Variants in SPAST observed in about 807,000 individuals in gnomAD.
The protein encoded by SPAST is spastin.
In SPAST, 30 loss-of-function variants were observed where a neutral mutation model predicts 76.6. That is an observed-to-expected ratio of 0.39 (90% confidence interval 0.29 to 0.53). SPAST has a LOEUF of 0.53. SPAST is among the 20% of genes least tolerant of loss of function. The pLI is 0.68. For synonymous variants in SPAST, 305 were observed against 281.0 expected (o/e 1.09, Z -0.86); for missense variants, 717 against 770.5 (o/e 0.93, Z 0.82).
At chr2:32,152,031 T>C in intron 16 of SPAST, among the ~76,000 whole-genome samples, 1 of 152,308 alleles carries the variant, frequency 6.6e-6, no homozygotes, top group Middle Eastern at 3.4e-3. Flanking sequence ...TGGTTATAAA[T>C]TGGGGTACAA....
rs71407413 is a variant in SPAST at position 32,108,758 on chromosome 2, C to CTTTTTTT, written c.683-5861_683-5855dup. Among the ~76,000 whole-genome samples the CTTTTTTT allele has an allele frequency of 1.1e-3, 78 of 73,908 alleles. 1 individual carries two copies. Among genetic ancestry groups the CTTTTTTT allele is most frequent in the East Asian group, 1.6e-3 (3 of 1,848 alleles). 48.5% of individuals were successfully genotyped at this position (73,908 alleles called of 152,430 possible). ...GAGCTACTGTGCCTGGCTGGTATAG[C>CTTTTTTT]TTTTTTTTTTTTTTTTTTTTTTTTT... On this transcript the variant is annotated intron_variant, in intron 4 of 16. Coordinates refer to ENST00000315285, the MANE Select transcript of SPAST (RefSeq NM_014946.4).
chr2:32,111,254 T>C (rs555737211), intron 4 of SPAST, among the ~76,000 whole-genome samples: 1 of 95,832 alleles, frequency 1.0e-5, no homozygotes, highest in Non-Finnish European at 2.2e-5. Context: ...TACTATATAG[T>C]GTGTATAGCG....
At chr2:32,135,147 T>TGTGTGTGA (rs1553317946) in intron 9 of SPAST, among the ~76,000 whole-genome samples, 1 of 151,610 alleles carries the variant, frequency 6.6e-6, no homozygotes, top group African/African-American at 2.4e-5. Context: ...TGTGTGTGTG[T>TGTGTGTGA]GAGATGGAGT....
At chr2:32,152,400 C>A (rs1680118208) in intron 16 of SPAST, among the ~76,000 whole-genome samples, 1 of 152,024 alleles carries the variant, frequency 6.6e-6, no homozygotes, top group Non-Finnish European at 1.5e-5. Flanking sequence ...AAATCCTCAT[C>A]TCTACAAAAA....
intron 1 of SPAST, among the ~76,000 whole-genome samples, chr2:32,085,909 G>A (rs1677455998): frequency 6.6e-6 from 1 of 152,058 alleles, no homozygotes; most frequent in Non-Finnish European, 1.5e-5. Context: ...GGGTGTGGTG[G>A]CACGTGCCTG....
intron 9 of SPAST, among the ~76,000 whole-genome samples, chr2:32,130,779 A>G (rs1237054732): frequency 6.6e-6 from 1 of 151,986 alleles, no homozygotes; most frequent in African/African-American, 2.4e-5. Context: ...CATGATATCC[A>G]GATAGCCTCT....
intron 9 of SPAST, among the ~76,000 whole-genome samples, chr2:32,133,057 A>AG (rs397734647): frequency 6.7e-6 from 1 of 148,348 alleles, no homozygotes; most frequent in African/African-American, 2.5e-5. Context: ...AAAAAAAAAA[A>AG]GCAGCAGCAT....
chr2:32,150,054 T>A (rs1680024578), intron 16 of SPAST, among the ~76,000 whole-genome samples: 1 of 151,380 alleles, frequency 6.6e-6, no homozygotes, highest in Non-Finnish European at 1.5e-5. Context: ...TAAGAAAGCT[T>A]TTAGTTTTCT....
At chr2:32,064,391 T>C (rs1270554936) in intron 1 of SPAST, 145 bp downstream of exon 1, 3 of 736,484 alleles carry the variant, frequency 4.1e-6, no homozygotes, top group East Asian at 5.6e-5. Flanking sequence ...TGCTTTCCCG[T>C]AGGTCGGAGC....
At chr2:32,110,747 ATATAG>A (rs1255415223) in intron 4 of SPAST, among the ~76,000 whole-genome samples, 3 of 140,926 alleles carry the variant, frequency 2.1e-5, no homozygotes, top group Admixed American at 7.4e-5. Flanking sequence ...TGTATAGTAT[ATATAG>A]TATAGTATAT....
intron 3 of SPAST, among the ~76,000 whole-genome samples, chr2:32,096,976 C>G (rs1677939675): frequency 6.6e-6 from 1 of 152,042 alleles, no homozygotes; most frequent in African/African-American, 2.4e-5. Context: ...AGGGTAGCTG[C>G]TATTTGACCT....
intron 1 of SPAST, among the ~76,000 whole-genome samples, chr2:32,079,748 A>G (rs1159985641): frequency 6.6e-6 from 1 of 152,048 alleles, no homozygotes; most frequent in African/African-American, 2.4e-5. Context: ...TTGTAGAGAT[A>G]GGGTTTCACC....
At chr2:32,126,884 A>G in intron 7 of SPAST, 64 bp from the exon 8 acceptor site, 1 of 1,123,460 alleles carries the variant, frequency 8.9e-7, no homozygotes, top group Admixed American at 1.8e-5. Context: ...TGCTTTTTAG[A>G]TGGCAAAGAG....
intron 9 of SPAST, among the ~76,000 whole-genome samples, chr2:32,130,821 G>T (rs962203416): frequency 3.3e-5 from 5 of 151,640 alleles, no homozygotes; most frequent in Non-Finnish European, 4.4e-5. Flanking sequence ...TAATTTTACT[G>T]TCTACAGTTT....
chr2:32,114,303 G>C (rs960575736), intron 4 of SPAST, among the ~76,000 whole-genome samples: 2 of 152,066 alleles, frequency 1.3e-5, no homozygotes, highest in African/African-American at 4.8e-5. Flanking sequence ...CCAGCTACTT[G>C]GGAGTTTGAG....
chr2:32,144,787 G>T, intron 14 of SPAST, 150 bp from the exon 15 acceptor site: 1 of 657,022 alleles, frequency 1.5e-6, no homozygotes, highest in Non-Finnish European at 2.8e-6. Flanking sequence ...TACCTGAGAG[G>T]CTGAGGTAGG....
chr2:32,145,126 C>G (rs1482203949), intron 15 of SPAST, 119 bp downstream of exon 15: 2 of 708,198 alleles, frequency 2.8e-6, no homozygotes, highest in Admixed American at 4.5e-5. Flanking sequence ...GGGTCTCACT[C>G]TGTTGCCCAG....
intron 8 of SPAST, 136 bp downstream of exon 8, chr2:32,127,158 GTTTGTTTTGT>G: frequency 1.4e-6 from 1 of 723,328 alleles, no homozygotes; most frequent in Non-Finnish European, 2.5e-6. Context: ...TTTTTTGTTT[GTTTGTTTTGT>G]TTTGTTTTGA....
intron 9 of SPAST, among the ~76,000 whole-genome samples, chr2:32,132,064 A>G (rs1558334033): frequency 6.6e-6 from 1 of 152,216 alleles, no homozygotes; most frequent in Non-Finnish European, 1.5e-5. Flanking sequence ...CAATTCTGAT[A>G]CTGCCTGAAT....
Sources: gnomAD v4.1 joint callset for allele counts (sites outside exome capture counted in the v4.1 genomes callset) on GRCh38, gnomAD v4.1.1 for gene constraint, MANE v1.5 for transcripts, NCBI Gene and HGNC (gene_info 2026-07-23, HGNC 2026-07-21) for gene names.